GRK3: variants seen among roughly 807,000 people sequenced by gnomAD.
GRK3 encodes adrenergic, beta, receptor kinase 2.
In GRK3, 54 loss-of-function variants were observed where a neutral mutation model predicts 95.7. That is an observed-to-expected ratio of 0.56 (90% CI 0.45 to 0.71). The LOEUF (loss-of-function observed/expected upper bound fraction) is 0.71, where lower values mean the gene tolerates loss of function less well. Among genes scored for constraint, GRK3 ranks in the 30% least tolerant of loss-of-function variants. The pLI is 0.00. For missense variants in GRK3, 649 were observed against 851.2 expected (o/e 0.76, Z 2.96); for synonymous variants, 281 against 290.8 (o/e 0.97, Z 0.34).
chr22:25,568,994 A>G (rs1203612058), intron 1 of GRK3, among the ~76,000 whole-genome samples: 7 of 152,140 alleles, frequency 4.6e-5, no homozygotes, highest in Non-Finnish European at 8.8e-5. Context: ...AAAATGTCCC[A>G]GTTTTCTTCT....
chr22:25,620,006 TTGTGTGTG>T (rs56260834), intron 2 of GRK3, among the ~76,000 whole-genome samples: 31 of 90,312 alleles, frequency 3.4e-4, no homozygotes, highest in Middle Eastern at 5.7e-3. Context: ...TTTGTCTTTT[TTGTGTGTG>T]TGTGTGTGTG....
intron 9 of GRK3, among the ~76,000 whole-genome samples, chr22:25,681,743 A>T (rs117857323): frequency 0.013 from 1,909 of 152,310 alleles, 27 homozygotes; most frequent in Middle Eastern, 0.065. Flanking sequence ...TTTTATGGCG[A>T]GTTCCTGCAA....
chr22:25,687,792 T>G (rs2085128005), intron 11 of GRK3, 125 bp downstream of exon 11: 3 of 1,036,628 alleles, frequency 2.9e-6, no homozygotes, highest in African/African-American at 1.6e-5. Context: ...CCTGATGAAG[T>G]CATTAGCTAT....
At chr22:25,636,899 C>T (rs528046830) in intron 2 of GRK3, among the ~76,000 whole-genome samples, 4 of 152,252 alleles carry the variant, frequency 2.6e-5, no homozygotes, top group Non-Finnish European at 4.4e-5. Context: ...AACCTGGCTA[C>T]GTTAAATGTG....
intron 4 of GRK3, among the ~76,000 whole-genome samples, chr22:25,662,045 AT>A (rs1460735917): frequency 6.6e-6 from 1 of 152,258 alleles, no homozygotes; most frequent in Non-Finnish European, 1.5e-5. Flanking sequence ...ATAAATATAA[AT>A]TTTAAATGGT....
At chr22:25,626,833 A>G (rs2084631893) in intron 2 of GRK3, among the ~76,000 whole-genome samples, 2 of 152,226 alleles carry the variant, frequency 1.3e-5, no homozygotes, top group African/African-American at 4.8e-5. Context: ...GTGGGTTGGC[A>G]GTGGCACCCA....
intron 1 of GRK3, among the ~76,000 whole-genome samples, chr22:25,592,108 T>C (rs1034216476): frequency 1.4e-4 from 21 of 152,316 alleles, no homozygotes; most frequent in South Asian, 2.1e-4. Flanking sequence ...CCACTAGCAG[T>C]GTATGAGAAT....
intron 19 of GRK3, among the ~76,000 whole-genome samples, chr22:25,719,649 A>AAGG: frequency 7.6e-6 from 1 of 131,960 alleles, no homozygotes; most frequent in East Asian, 2.4e-4. Context: ...GCTTGTCAAC[A>AAGG]AGGAAGGAGC....
chr22:25,583,399 G>A (rs1438914341), intron 1 of GRK3, among the ~76,000 whole-genome samples: 1 of 135,898 alleles, frequency 7.4e-6, no homozygotes, highest in Non-Finnish European at 1.5e-5. Flanking sequence ...TCCATTGTCT[G>A]TTCCATTAGG....
intron 1 of GRK3, among the ~76,000 whole-genome samples, chr22:25,600,476 C>T (rs539826521): frequency 2.0e-5 from 3 of 152,112 alleles, no homozygotes; most frequent in Admixed American, 6.5e-5. Flanking sequence ...CAACCAACTA[C>T]GCCTCAAAAT....
intron 2 of GRK3, among the ~76,000 whole-genome samples, chr22:25,625,509 A>G (rs1278530504): frequency 6.6e-6 from 1 of 152,310 alleles, no homozygotes; most frequent in East Asian, 1.9e-4. Context: ...AGCGGCAGCG[A>G]AAAGTGTCAA....
chr22:25,674,429 T>C lies in GRK3; in HGVS notation c.556-8T>C. 1 of 1,607,270 alleles carries C rather than the reference T, an allele frequency of 6.2e-7. No homozygotes were observed. Among genetic ancestry groups the C allele is most frequent in the Non-Finnish European group, 8.5e-7 (1 of 1,175,640 alleles). On this transcript the variant is annotated splice_polypyrimidine_tract_variant and splice_region_variant and intron_variant, in intron 7 of 20. Transcript: ENST00000324198. ...CTTATGTTTTCATTTTGTGTTTGGA[T>C]TTCCCAGTTGACCATGAATGAGTTC... is the stretch of plus-strand genomic sequence containing the variant.
chr22:25,705,016 CTG>C (rs1279009154), intron 15 of GRK3, among the ~76,000 whole-genome samples: 1 of 152,130 alleles, frequency 6.6e-6, no homozygotes, highest in African/African-American at 2.4e-5. Context: ...TAACTTTTAA[CTG>C]TATATTACCT....
At position 25,726,887 on chromosome 22, in the gene GRK3, T is replaced by A. The variant is rs2085478121; in HGVS notation, c.*4437T>A. On this transcript the variant is annotated 3_prime_UTR_variant, in exon 21 of 21. Coordinates refer to ENST00000324198, the MANE Select transcript of GRK3 (RefSeq NM_005160.4). ...GCACAGGGGACCCAGAGCTAAAGCA[T>A]TACCAGGCCATCTCCAAAACACCCC... 1 of 152,230 alleles carries A rather than the reference T, an allele frequency of 6.6e-6. No individual in the cohort carries two copies. Among genetic ancestry groups the A allele is most frequent in the African/African-American group, 2.4e-5 (1 of 40,900 alleles). The allele number at this position is 152,230 out of a possible 1,614,324, so 9.4% of individuals were successfully genotyped here. A position where few individuals can be genotyped will look rare whatever the true frequency, so the allele number is the denominator to read the frequency against.
chr22:25,591,438 TC>T (rs927003237), intron 1 of GRK3, among the ~76,000 whole-genome samples: 4 of 152,000 alleles, frequency 2.6e-5, no homozygotes, highest in African/African-American at 9.7e-5. Context: ...CAGAACTCAA[TC>T]CCCAGCCTCC....
At chr22:25,641,534 G>A (rs535915649) in intron 2 of GRK3, among the ~76,000 whole-genome samples, 5 of 152,244 alleles carry the variant, frequency 3.3e-5, no homozygotes, top group South Asian at 4.1e-4. Flanking sequence ...ATAAACATGC[G>A]ACAATTTTTG....
intron 1 of GRK3, chr22:25,580,658 C>T (rs1350767118): frequency 6.6e-6 from 1 of 152,204 alleles, no homozygotes; most frequent in Non-Finnish European, 1.5e-5. Context: ...CTCAGCCTCC[C>T]AACTAGCTGG....
chr22:25,703,885 C>G (rs2146455417), intron 14 of GRK3, among the ~76,000 whole-genome samples: 1 of 152,246 alleles, frequency 6.6e-6, no homozygotes, highest in East Asian at 1.9e-4. Flanking sequence ...ACTGAGATGC[C>G]AACGAATGAG....
At chr22:25,614,962 ATG>A (rs1056444672) in intron 2 of GRK3, among the ~76,000 whole-genome samples, 12 of 152,282 alleles carry the variant, frequency 7.9e-5, no homozygotes, top group African/African-American at 2.9e-4. Context: ...GGACAGCAAA[ATG>A]TGTGTGGAAG....
Sources: allele counts gnomAD v4.1 joint callset (sites outside exome capture counted in the v4.1 genomes callset), GRCh38; gene constraint gnomAD v4.1.1; transcripts MANE v1.5; gene names NCBI Gene and HGNC (gene_info 2026-07-23, HGNC 2026-07-21).